CELF1: variants seen among roughly 807,000 people sequenced by gnomAD.
CELF1 encodes 50 kDa nuclear polyadenylated RNA-binding protein.
In CELF1, 10 loss-of-function variants were observed where a neutral mutation model predicts 61.8. The observed-to-expected ratio is 0.16, with a 90% CI of 0.10 to 0.27. The LOEUF (loss-of-function observed/expected upper bound fraction) is 0.27. CELF1 is among the 10% of genes least tolerant of loss of function. The pLI, the probability that CELF1 is intolerant of heterozygous loss-of-function variation, is 1.00. For missense variants in CELF1, 380 were observed against 639.1 expected (o/e 0.59, Z 4.37); for synonymous variants, 236 against 225.1 (o/e 1.05, Z -0.43).
At chr11:47,537,904 CTTTT>C (rs548810170) in intron 1 of CELF1, among the ~76,000 whole-genome samples, 1 of 150,718 alleles carries the variant, frequency 6.6e-6, no homozygotes, top group Non-Finnish European at 1.5e-5. Flanking sequence ...ATTTTGTTTT[CTTTT>C]TTTTCTTTTC....
rs1434767274 is a variant in CELF1, at chr11:47,470,371, T to C, written c.*1859A>G. On this transcript the variant is annotated 3_prime_UTR_variant, in exon 15 of 15. Transcript: ENST00000687097. The stretch of plus-strand genomic sequence containing the variant: ...ATCCCATCATGACCCTGGAAGCCTT[T>C]AGAACAGTTTTATCCTTTGAAACAC... 1.3e-5 allele frequency: 2 copies of C among 152,070 alleles called. No individual in the cohort carries two copies. The highest frequency in any genetic ancestry group is 2.1e-4 in the South Asian group (1 of 4,816). The allele number at this position is 152,070 out of a possible 1,614,324, so 9.4% of individuals were successfully genotyped here.
intron 3 of CELF1, among the ~76,000 whole-genome samples, chr11:47,494,829 A>G (rs2092754132): frequency 6.6e-6 from 1 of 152,232 alleles, no homozygotes; most frequent in Admixed American, 6.5e-5. Context: ...TGGCTATTTA[A>G]ACTTAATTTA....
At chr11:47,520,099 CA>C (rs555506624) in intron 1 of CELF1, among the ~76,000 whole-genome samples, 10 of 148,826 alleles carry the variant, frequency 6.7e-5, no homozygotes, top group Admixed American at 2.0e-4. Flanking sequence ...AAGAGGATAC[CA>C]AAAAAAAAGG....
chr11:47,500,246 C>T (rs1419949298), intron 2 of CELF1, among the ~76,000 whole-genome samples: 1 of 151,876 alleles, frequency 6.6e-6, no homozygotes, highest in African/African-American at 2.4e-5. Context: ...TCTCAACTGA[C>T]CTTGCTTTCT....
At chr11:47,540,043 G>A (rs1380202935) in intron 1 of CELF1, among the ~76,000 whole-genome samples, 2 of 152,174 alleles carry the variant, frequency 1.3e-5, no homozygotes, top group African/African-American at 4.8e-5. Context: ...CACCTCTGGT[G>A]CAATAAGATA....
chr11:47,516,231 C>T (rs111978096), intron 1 of CELF1, among the ~76,000 whole-genome samples: 2,422 of 152,184 alleles, frequency 0.016, 50 homozygotes, highest in African/African-American at 0.048. Flanking sequence ...GAGAAAAGGA[C>T]TGAATGGCCC....
intron 13 of CELF1, among the ~76,000 whole-genome samples, chr11:47,474,518 T>A (rs1049326357): frequency 1.4e-4 from 22 of 152,358 alleles, no homozygotes; most frequent in African/African-American, 5.3e-4. Context: ...AAACACCTCA[T>A]GCTTTCATTT....
chr11:47,478,999 GT>G, intron 9 of CELF1, 47 bp from the exon 10 acceptor site: 2 of 1,484,782 alleles, frequency 1.3e-6, no homozygotes, highest in East Asian at 4.6e-5. Context: ...GTGAGGGCTG[GT>G]TCTGCATCTG....
intron 1 of CELF1, among the ~76,000 whole-genome samples, chr11:47,545,010 T>C (rs547794079): frequency 2.1e-4 from 32 of 152,078 alleles, no homozygotes; most frequent in African/African-American, 7.5e-4. Context: ...AGGCCAGACA[T>C]GGTGGCTCAT....
intron 2 of CELF1, among the ~76,000 whole-genome samples, chr11:47,500,074 G>A (rs1463829401): frequency 5.9e-5 from 9 of 152,116 alleles, no homozygotes; most frequent in African/African-American, 2.2e-4. Context: ...ACTAACCTCA[G>A]AACAGTCACA....
intron 2 of CELF1, among the ~76,000 whole-genome samples, chr11:47,500,039 C>T (rs908607695): frequency 2.0e-5 from 3 of 152,164 alleles, no homozygotes; most frequent in Non-Finnish European, 2.9e-5. Flanking sequence ...CCAAAGACAG[C>T]AATGAGCACA....
chr11:47,522,098 A>T (rs931851726), intron 1 of CELF1, among the ~76,000 whole-genome samples: 1 of 151,970 alleles, frequency 6.6e-6, no homozygotes, highest in Non-Finnish European at 1.5e-5. Flanking sequence ...TTTTTAGTAG[A>T]CACGGGGTTT....
intron 6 of CELF1, among the ~76,000 whole-genome samples, chr11:47,485,107 G>A (rs532382952): frequency 3.3e-5 from 5 of 152,308 alleles, no homozygotes; most frequent in Non-Finnish European, 7.3e-5. Flanking sequence ...CTAACTAATA[G>A]GAATAATCAG....
In CELF1 at chr11:47,494,654, C is replaced by T. The variant is rs1054874007; in HGVS notation, c.71+4799G>A. 3 of 192,282 alleles carry T rather than the reference C, an allele frequency of 1.6e-5. No individual in the cohort carries two copies. In the Admixed American group the frequency reaches 2.0e-4, roughly 13 times the overall value. 11.9% of individuals were successfully genotyped at this position (192,282 alleles called of 1,614,324 possible). A position where few individuals can be genotyped will look rare whatever the true frequency, so the allele number is the denominator to read the frequency against. ...CCAAATTTTTCCCATCCTCTGGCCC[C>T]AAGTGACTAAACCATGTGGTGGGTC... is the stretch of plus-strand genomic sequence containing the variant. On this transcript the variant is annotated intron_variant, in intron 3 of 14. Transcript: ENST00000687097.
At chr11:47,527,562 T>C (rs1044715460) in intron 1 of CELF1, among the ~76,000 whole-genome samples, 2 of 151,862 alleles carry the variant, frequency 1.3e-5, no homozygotes, top group Non-Finnish European at 2.9e-5. Flanking sequence ...TCTACAAAAC[T>C]TAAAAAAAAA....
At chr11:47,479,977 C>G (rs910541037) in intron 9 of CELF1, among the ~76,000 whole-genome samples, 1 of 152,022 alleles carries the variant, frequency 6.6e-6, no homozygotes, top group African/African-American at 2.4e-5. Flanking sequence ...AGATAAAAAC[C>G]AACTCCTCCA....
intron 2 of CELF1, among the ~76,000 whole-genome samples, chr11:47,559,025 TATATA>T (rs1425653399): frequency 4.9e-5 from 7 of 143,040 alleles, no homozygotes; most frequent in Non-Finnish European, 9.0e-5. Context: ...TTATATATAA[TATATA>T]ATATGTTACA....
chr11:47,523,015 T>G (rs531874488), intron 1 of CELF1, among the ~76,000 whole-genome samples: 2 of 152,216 alleles, frequency 1.3e-5, no homozygotes, highest in African/African-American at 4.8e-5. Flanking sequence ...GTCCAGTATA[T>G]CTTCATTATG....
In CELF1 at chr11:47,507,461, C is replaced by CA. The variant is rs377607180; in HGVS notation, c.-153-6530dup. ...CTAGGGTGGCGGTGAACCACTGAAA[C>CA]AAAAAAAAAAATCAGAAGATGGGGA... On this transcript the variant is annotated intron_variant, in intron 1 of 14. Coordinates refer to ENST00000687097, the MANE Select transcript of CELF1 (RefSeq NM_001376376.1). Among the ~76,000 whole-genome samples the CA allele has an allele frequency of 1.6e-3, 221 of 139,146 alleles. 1 individual carries two copies. The highest frequency in any genetic ancestry group is 3.6e-3 in the Middle Eastern group (1 of 278). The allele number at this position is 139,146 out of a possible 152,430, so 91.3% of individuals were successfully genotyped here. A position where few individuals can be genotyped will look rare whatever the true frequency, so the allele number is the denominator to read the frequency against.
Sources: gnomAD v4.1 joint callset for allele counts (sites outside exome capture counted in the v4.1 genomes callset) on GRCh38, gnomAD v4.1.1 for gene constraint, MANE v1.5 for transcripts, NCBI Gene and HGNC (gene_info 2026-07-23, HGNC 2026-07-21) for gene names.